The following SPECC1 variants were observed in gnomAD, a reference collection of about 807,000 sequenced individuals.
SPECC1 encodes the protein sperm antigen with calponin homology and coiled-coil domains 1.
A neutral mutation model predicts 104.1 loss-of-function variants in SPECC1; 62 were observed. The observed-to-expected ratio is 0.60, with a 90% CI of 0.49 to 0.74. The LOEUF is 0.74. Ranked by LOEUF, SPECC1 falls within the 30% of genes least tolerant of loss-of-function variation. SPECC1 has a pLI of 0.00. For missense variants in SPECC1, 1,306 were observed against 1,310.5 expected, an observed-to-expected ratio of 1.00 and a Z score of 0.05; for synonymous variants, 513 against 501.6, an observed-to-expected ratio of 1.02 and a Z score of -0.30.
At chr17:20,244,929 G>T (rs531686927) in intron 7 of SPECC1, among the ~76,000 whole-genome samples, 2 of 152,320 alleles carry the variant, frequency 1.3e-5, no homozygotes, top group East Asian at 3.9e-4. Context: ...AGGAAGCCAT[G>T]CATTGAGAGG....
chr17:20,135,008 C>T (rs2049847839), intron 3 of SPECC1, among the ~76,000 whole-genome samples: 1 of 152,160 alleles, frequency 6.6e-6, no homozygotes, highest in Admixed American at 6.5e-5. Context: ...AGTCCTTGAA[C>T]TTGGGTGTGA....
intron 13 of SPECC1, among the ~76,000 whole-genome samples, chr17:20,303,081 A>T (rs189404661): frequency 3.9e-5 from 6 of 152,244 alleles, no homozygotes; most frequent in Admixed American, 2.6e-4. Context: ...CCACTTATAC[A>T]CTATTGCTGG....
chr17:20,156,209 T>A, intron 3 of SPECC1: 1 of 1,431,816 alleles, frequency 7.0e-7, no homozygotes. Context: ...GGGCAACCAC[T>A]CAGGACGGCC....
intron 1 of SPECC1, among the ~76,000 whole-genome samples, chr17:20,061,142 G>A (rs2046170614): frequency 6.6e-6 from 1 of 152,186 alleles, no homozygotes; most frequent in Non-Finnish European, 1.5e-5. Context: ...CGCGATCTCG[G>A]CTCACTGCAA....
chr17:20,168,247 C>A (rs77794611), intron 3 of SPECC1, among the ~76,000 whole-genome samples: 8,550 of 152,130 alleles, frequency 0.056, 318 homozygotes, highest in Non-Finnish European at 0.084. Context: ...TTAATCCAAC[C>A]ATGCATTTAA....
Position 20,205,586 on chromosome 17 carries a change from A to G in SPECC1, c.1537A>G (p.Lys513Glu). 6.2e-7 allele frequency: 1 copy of G among 1,614,120 alleles called. No homozygotes were observed. The highest frequency in any genetic ancestry group is 1.1e-5 in the South Asian group (1 of 91,070). The change falls in exon 4 of 15, where the codon AAG (lysine) becomes GAG (glutamate). Residue 513 changes from lysine (K) to glutamate (E), a missense_variant. By Grantham distance (56) the Lys-to-Glu change is moderately conservative. This residue lies in a region of SPECC1 where 1,177 missense variants were observed against 1,139.9 expected (regional missense o/e 1.03). Transcript: ENST00000395527. ...AGCTTTAGAAATGATTAAACGTCTG[A>G]AGGAAGAAAATGAAAAACTGAATGA... Reference protein sequence around the residue: ...QGALEMIKRLKEENEKLNEFL... With the variant: ...QGALEMIKRLEEENEKLNEFL...
At chr17:20,273,680 C>A (rs1197045379) in intron 12 of SPECC1, among the ~76,000 whole-genome samples, 1 of 152,166 alleles carries the variant, frequency 6.6e-6, no homozygotes, top group Non-Finnish European at 1.5e-5. Context: ...TTCATTCCCC[C>A]ACCTGAAGCA....
In SPECC1 at chr17:20,314,555, G is replaced by A. The variant is rs1423473911; in HGVS notation, c.*490G>A. On this transcript the variant is annotated 3_prime_UTR_variant, in exon 15 of 15. Coordinates refer to ENST00000395527, the MANE Select transcript of SPECC1 (RefSeq NM_001243439.2). ...TTTAGGAAGCCAAGGCAGTAGGATC[G>A]TTTGAGCCCAGGAGTTCGAGGCTGC... The A allele has an allele frequency of 7.3e-6, 2 of 273,476 alleles. No individual in the cohort carries two copies. The highest frequency in any genetic ancestry group is 2.1e-5 in the African/African-American group (1 of 47,644). 16.9% of individuals were successfully genotyped at this position (273,476 alleles called of 1,614,324 possible).
At chr17:20,183,910 C>G (rs1355939432) in intron 3 of SPECC1, among the ~76,000 whole-genome samples, 1 of 151,792 alleles carries the variant, frequency 6.6e-6, no homozygotes, top group African/African-American at 2.4e-5. Context: ...GTGGCTCACG[C>G]TTATAATCCT....
Position 20,141,822 on chromosome 17 carries a change from G to T in SPECC1, c.283+31260G>T, listed in dbSNP as rs150405404. Among the ~76,000 whole-genome samples the T allele has an allele frequency of 1.6e-3, 244 of 152,272 alleles. 1 individual carries two copies. The highest frequency in any genetic ancestry group is 5.7e-3 in the African/African-American group (237 of 41,552). The stretch of plus-strand genomic sequence containing the variant: ...ATTGGAGTGTTTTCTGGACTAATGT[G>T]TGTGCTATTTGCCTAAGGAACTTTT... On this transcript the variant is annotated intron_variant, in intron 3 of 14. Coordinates refer to ENST00000395527, the MANE Select transcript of SPECC1 (RefSeq NM_001243439.2).
At chr17:20,261,501 CAAA>C (rs75833770) in intron 12 of SPECC1, among the ~76,000 whole-genome samples, 3 of 54,778 alleles carry the variant, frequency 5.5e-5, no homozygotes, top group Non-Finnish European at 8.2e-5. Flanking sequence ...GACTCCGTCT[CAAA>C]AAAAAAAAAA....
intron 3 of SPECC1, among the ~76,000 whole-genome samples, chr17:20,164,756 A>G (rs1431906799): frequency 1.3e-5 from 2 of 152,166 alleles, no homozygotes; most frequent in African/African-American, 4.8e-5. Context: ...TTTCTGTAGC[A>G]TGGACTTCAA....
intron 12 of SPECC1, among the ~76,000 whole-genome samples, chr17:20,264,181 A>G (rs573583037): frequency 4.6e-5 from 7 of 152,238 alleles, no homozygotes; most frequent in Non-Finnish European, 8.8e-5. Flanking sequence ...CTTTCCTTTT[A>G]TTTCATCAAA....
intron 3 of SPECC1, among the ~76,000 whole-genome samples, chr17:20,198,732 C>T (rs946579455): frequency 2.0e-5 from 3 of 152,168 alleles, no homozygotes; most frequent in Non-Finnish European, 4.4e-5. Context: ...GCACTTTGTC[C>T]TCTTGAATCA....
At chr17:20,287,423 C>CAAAAAAAAA (rs61713120) in intron 12 of SPECC1, among the ~76,000 whole-genome samples, 10 of 98,042 alleles carry the variant, frequency 1.0e-4, no homozygotes, top group African/African-American at 4.2e-4. Flanking sequence ...GACTCCGTCT[C>CAAAAAAAAA]AAAAAAAAAA....
intron 14 of SPECC1, among the ~76,000 whole-genome samples, chr17:20,309,370 T>TA (rs1402417392): frequency 2.0e-5 from 3 of 152,224 alleles, no homozygotes; most frequent in Non-Finnish European, 4.4e-5. Context: ...TTCTGGGGTA[T>TA]AACATATTAG....
At chr17:20,273,809 A>C (rs1304083290) in intron 12 of SPECC1, among the ~76,000 whole-genome samples, 2 of 152,108 alleles carry the variant, frequency 1.3e-5, no homozygotes, top group African/African-American at 2.4e-5. Context: ...TATGTTAGTT[A>C]TCTCTTGTCC....
At chr17:20,214,624 C>T (rs899698961) in intron 4 of SPECC1, among the ~76,000 whole-genome samples, 1 of 152,232 alleles carries the variant, frequency 6.6e-6, no homozygotes, top group African/African-American at 2.4e-5. Context: ...TCTCCTGCCT[C>T]AGCCTCCTGA....
intron 4 of SPECC1, among the ~76,000 whole-genome samples, chr17:20,206,860 G>GGT (rs2036818164): frequency 6.6e-6 from 1 of 151,986 alleles, no homozygotes; most frequent in African/African-American, 2.4e-5. Context: ...GCCAGCACTT[G>GGT]GTATTACATT....
Sources: gnomAD v4.1 joint callset for allele counts (sites outside exome capture counted in the v4.1 genomes callset) on GRCh38, gnomAD v4.1.1 for gene constraint, gnomAD v4.1.1 regional missense constraint, MANE v1.5 for transcripts, NCBI Gene and HGNC (gene_info 2026-07-23, HGNC 2026-07-21) for gene names.